Variants in WT1 observed in about 807,000 individuals in gnomAD.
The protein encoded by WT1 is WT1 transcription factor.
Under a neutral mutation model 60.8 loss-of-function variants are expected in WT1, and 8 were observed. That is an observed-to-expected ratio of 0.13 (90% confidence interval 0.08 to 0.24). The LOEUF (loss-of-function observed/expected upper bound fraction) is 0.24, where lower values mean the gene tolerates loss of function less well. WT1 is among the 10% of genes least tolerant of loss of function. The probability of loss-of-function intolerance (pLI) is 1.00; values close to 1 mark genes in which losing one functional copy is unlikely to be tolerated. For missense variants in WT1, 568 were observed against 711.8 expected, an observed-to-expected ratio of 0.80 and a Z score of 2.30; for synonymous variants, 312 against 297.1, an observed-to-expected ratio of 1.05 and a Z score of -0.52.
At chr11:32,428,846 C>G (rs1853164438) in intron 1 of WT1, 1 of 632,178 alleles carries the variant, frequency 1.6e-6, no homozygotes, top group South Asian at 1.9e-5. Context: ...TGACTAAAAC[C>G]CCCACCTCGC....
chr11:32,396,473 G>A, intron 6 of WT1, 66 bp from the exon 7 acceptor site: 1 of 1,599,754 alleles, frequency 6.3e-7, no homozygotes, highest in Admixed American at 1.7e-5. Context: ...TAGGTCTTGA[G>A]GGAGAGTGAG....
chr11:32,412,068 G>T (rs1020326890), intron 5 of WT1, among the ~76,000 whole-genome samples: 2 of 152,232 alleles, frequency 1.3e-5, no homozygotes, highest in East Asian at 1.9e-4. Context: ...TTTCCAAGAA[G>T]TAAATCTCTT....
At chr11:32,426,295 C>A (rs1292421325) in intron 3 of WT1, among the ~76,000 whole-genome samples, 1 of 152,206 alleles carries the variant, frequency 6.6e-6, no homozygotes, top group Non-Finnish European at 1.5e-5. Flanking sequence ...AAGGTCATTA[C>A]GTGGGAACCA....
chr11:32,397,398 C>T (rs1852006568), intron 6 of WT1, among the ~76,000 whole-genome samples: 1 of 152,124 alleles, frequency 6.6e-6, no homozygotes. Context: ...CTCCTGCAGC[C>T]TCGACCTCAC....
intron 7 of WT1, among the ~76,000 whole-genome samples, chr11:32,394,010 A>C (rs1851893986): frequency 6.6e-6 from 1 of 152,150 alleles, no homozygotes; most frequent in Admixed American, 6.5e-5. Flanking sequence ...CTCCTACCTC[A>C]GCCTCCTGAG....
At position 32,435,017 on chromosome 11, in the gene WT1, G is replaced by A; in HGVS notation, c.344C>T (p.Pro115Leu). The A allele has an allele frequency of 1.3e-6, 2 of 1,485,310 alleles. No individual in the cohort carries two copies. Among genetic ancestry groups the A allele is most frequent in the Non-Finnish European group, 1.8e-6 (2 of 1,128,786 alleles). The allele number at this position is 1,485,310 out of a possible 1,614,324, so 92.0% of individuals were successfully genotyped here. ...CGACCCGTAAGCCGAAGCGCCCGGG[G>A]GCGCAAAGTCCAGCACCGGCGCCCA... The change falls in exon 1 of 10, where the codon CCC becomes CTC. Residue 115 changes from proline to leucine, a missense_variant. By Grantham distance (98) the Pro-to-Leu change is moderately conservative. Coordinates refer to ENST00000452863, the MANE Select transcript of WT1 (RefSeq NM_024426.6).
intron 5 of WT1, among the ~76,000 whole-genome samples, chr11:32,412,373 C>A (rs1852528045): frequency 6.6e-6 from 1 of 152,132 alleles, no homozygotes; most frequent in Non-Finnish European, 1.5e-5. Flanking sequence ...AAGGGACATT[C>A]ATTTTGCTGA....
Position 32,399,113 on chromosome 11 carries a change from G to A in WT1, c.1113+835C>T, listed in dbSNP as rs539941575. 4.1e-5 allele frequency among the ~76,000 whole-genome samples: 6 copies of A among 146,414 alleles called. No homozygotes were observed. The South Asian group carries it at 6.6e-4, about 16-fold the overall frequency. ...GGAGCTTGCAGTGAGCCAAGATAGC[G>A]CCACTGTACTCCAGCCTGGGTGACA... On this transcript the variant is annotated intron_variant, in intron 6 of 9. Coordinates refer to ENST00000452863, the MANE Select transcript of WT1 (RefSeq NM_024426.6).
In WT1 at chr11:32,388,179, C is replaced by T. The variant is rs1851714663; in HGVS notation, c.*879G>A. On this transcript the variant is annotated 3_prime_UTR_variant, in exon 10 of 10. Coordinates refer to ENST00000452863, the MANE Select transcript of WT1 (RefSeq NM_024426.6). ...ACCATCCCCTATTTTCTTTTAAAGT[C>T]ACTTTCATTTTTACAACTTGAAGCC... 1 of 233,590 alleles carries T rather than the reference C, an allele frequency of 4.3e-6. No homozygotes were observed. Among genetic ancestry groups the T allele is most frequent in the South Asian group, 1.8e-4 (1 of 5,514 alleles). The allele number at this position is 233,590 out of a possible 1,614,324, so 14.5% of individuals were successfully genotyped here. A position where few individuals can be genotyped will look rare whatever the true frequency, so the allele number is the denominator to read the frequency against.
intron 4 of WT1, 107 bp downstream of exon 4, chr11:32,417,470 C>T: frequency 9.9e-7 from 1 of 1,011,282 alleles, no homozygotes; most frequent in Non-Finnish European, 1.5e-6. Flanking sequence ...GAGAGCTTTG[C>T]CCTTTCTTCT....
At chr11:32,400,118 G>A (rs1852108621) in intron 5 of WT1, 74 bp from the exon 6 acceptor site, 1 of 1,540,320 alleles carries the variant, frequency 6.5e-7, no homozygotes, top group African/African-American at 1.4e-5. Context: ...TCTGCAATCA[G>A]GAGGGAATGA....
At chr11:32,429,004 G>A in intron 1 of WT1, 1 of 338,954 alleles carries the variant, frequency 3.0e-6, no homozygotes, top group South Asian at 2.6e-5. Context: ...TTCCGCAGGA[G>A]CAGCGCGGGC....
intron 7 of WT1, among the ~76,000 whole-genome samples, chr11:32,394,146 G>A (rs151295133): frequency 1.1e-4 from 16 of 152,164 alleles, no homozygotes; most frequent in Admixed American, 5.2e-4. Context: ...TCCCGCCTAC[G>A]CCTCCCAACA....
At chr11:32,427,464 C>T (rs1342108119) in intron 3 of WT1, among the ~76,000 whole-genome samples, 1 of 152,200 alleles carries the variant, frequency 6.6e-6, no homozygotes, top group African/African-American at 2.4e-5. Context: ...GTAGCAGGGG[C>T]GCTGGGAACG....
At chr11:32,393,541 G>T (rs1851878900) in intron 7 of WT1, among the ~76,000 whole-genome samples, 1 of 150,774 alleles carries the variant, frequency 6.6e-6, no homozygotes, top group Non-Finnish European at 1.5e-5. Flanking sequence ...AGCCATTCTA[G>T]AATCAGTCAG....
intron 3 of WT1, among the ~76,000 whole-genome samples, chr11:32,423,058 G>A (rs1852906653): frequency 6.6e-6 from 1 of 152,170 alleles, no homozygotes; most frequent in African/African-American, 2.4e-5. Flanking sequence ...GAGGCAAAGG[G>A]ACTCTGGGAA....
chr11:32,428,476 C>G (rs772866120), intron 2 of WT1, 21 bp downstream of exon 2: 81 of 1,613,746 alleles, frequency 5.0e-5, no homozygotes, highest in Non-Finnish European at 6.4e-5. Flanking sequence ...AGAAGGACTC[C>G]ACTTGGTTCC....
At chr11:32,419,050 A>C (rs1469335204) in intron 3 of WT1, among the ~76,000 whole-genome samples, 1 of 152,134 alleles carries the variant, frequency 6.6e-6, no homozygotes, top group East Asian at 1.9e-4. Context: ...AATATCCTAC[A>C]TATCAATGAA....
chr11:32,429,650 T>C (rs1380140645), intron 1 of WT1, among the ~76,000 whole-genome samples: 1 of 151,842 alleles, frequency 6.6e-6, no homozygotes, highest in African/African-American at 2.4e-5. Flanking sequence ...AAGGATGGGG[T>C]CTCATTCCTC....
Sources: allele counts gnomAD v4.1 joint callset (sites outside exome capture counted in the v4.1 genomes callset), GRCh38; gene constraint gnomAD v4.1.1; transcripts MANE v1.5; gene names NCBI Gene and HGNC (gene_info 2026-07-23, HGNC 2026-07-21).